XNDC1N: variants seen among roughly 807,000 people sequenced by gnomAD.
XNDC1N encodes the protein protein XNDC1N.
the XNDC1N span, among the ~76,000 whole-genome samples, chr11:71,877,115 C>T: frequency 3.9e-5 from 6 of 152,244 alleles, no homozygotes; most frequent in African/African-American, 7.2e-5. Context: ...CTCAAGATTT[C>T]ATTTTCAAAG....
the XNDC1N span, among the ~76,000 whole-genome samples, chr11:71,925,422 TGAATGCCATC>T: frequency 6.6e-6 from 1 of 152,088 alleles, no homozygotes; most frequent in Non-Finnish European, 1.5e-5. Context: ...AAGCTCTTAG[TGAATGCCATC>T]TAAACATCAA....
chr11:71,901,460 G>A, the XNDC1N span, among the ~76,000 whole-genome samples: 3 of 151,896 alleles, frequency 2.0e-5, no homozygotes, highest in East Asian at 3.9e-4. Flanking sequence ...TGAGCCAGCC[G>A]TAGTGGCGGG....
chr11:71,885,930 CG>C, the XNDC1N span, among the ~76,000 whole-genome samples: 1 of 150,388 alleles, frequency 6.6e-6, no homozygotes. Flanking sequence ...TCATTATTAT[CG>C]GTATTGATTT....
chr11:71,908,155 C>A, the XNDC1N span, among the ~76,000 whole-genome samples: 5 of 151,982 alleles, frequency 3.3e-5, no homozygotes, highest in Non-Finnish European at 7.4e-5. Flanking sequence ...TGAATTATTC[C>A]TCATTTATTA....
the XNDC1N span, among the ~76,000 whole-genome samples, chr11:71,888,825 A>G: frequency 6.6e-6 from 1 of 152,122 alleles, no homozygotes; most frequent in Non-Finnish European, 1.5e-5. Flanking sequence ...CTCTGTGAAA[A>G]TCCCCGTATA....
chr11:71,893,508 G>A, the XNDC1N span: 3 of 779,712 alleles, frequency 3.8e-6, no homozygotes, highest in South Asian at 4.2e-5. Context: ...TCCTCCTCCT[G>A]GGACTCTCAG....
At chr11:71,883,997 T>G in the XNDC1N span, among the ~76,000 whole-genome samples, 1 of 152,322 alleles carries the variant, frequency 6.6e-6, no homozygotes, top group Middle Eastern at 3.4e-3. Flanking sequence ...ATAATCTGCC[T>G]TCTCTTCACT....
At chr11:71,881,128 CATG>C in the XNDC1N span, among the ~76,000 whole-genome samples, 1 of 152,184 alleles carries the variant, frequency 6.6e-6, no homozygotes, top group Non-Finnish European at 1.5e-5. Context: ...CCTCAGTTAT[CATG>C]ATGTTGAGGT....
the XNDC1N span, among the ~76,000 whole-genome samples, chr11:71,924,550 C>T: frequency 3.3e-5 from 5 of 151,988 alleles, no homozygotes; most frequent in East Asian, 5.8e-4. Context: ...TGGTGGTGGG[C>T]GCCTGTAGTC....
At chr11:71,913,831 T>C in the XNDC1N span, among the ~76,000 whole-genome samples, 9 of 152,212 alleles carry the variant, frequency 5.9e-5, no homozygotes, top group South Asian at 1.9e-3. Flanking sequence ...ATTTACTATT[T>C]AAAAAATCCT....
chr11:71,865,844 A>T, the XNDC1N span: 1 of 449,294 alleles, frequency 2.2e-6, no homozygotes, highest in Non-Finnish European at 4.4e-6. Context: ...CCTCTAAAAC[A>T]TTTCTCCCAC....
chr11:71,923,438 T>TG, the XNDC1N span: 1 of 673,694 alleles, frequency 1.5e-6, no homozygotes, highest in East Asian at 2.7e-5. Flanking sequence ...ACTGACTATG[T>TG]GTTAGCTTCC....
At chr11:71,916,553 TAAG>T in the XNDC1N span, 2 of 283,826 alleles carry the variant, frequency 7.0e-6, no homozygotes, top group South Asian at 6.6e-5. Flanking sequence ...TATCTCATTT[TAAG>T]AAGAAGTTAC....
At chr11:71,896,678 C>T in the XNDC1N span, among the ~76,000 whole-genome samples, 4 of 152,248 alleles carry the variant, frequency 2.6e-5, no homozygotes. Flanking sequence ...ATTCTCCTGC[C>T]TCCACCTCCC....
the XNDC1N span, chr11:71,917,179 A>G: frequency 4.4e-6 from 2 of 458,332 alleles, no homozygotes; most frequent in Non-Finnish European, 7.9e-6. Context: ...ATGCCCGGCT[A>G]ATTTTTGTAT....
At chr11:71,875,012 G>A in the XNDC1N span, among the ~76,000 whole-genome samples, 1 of 152,130 alleles carries the variant, frequency 6.6e-6, no homozygotes, top group Non-Finnish European at 1.5e-5. Context: ...ACTTGGGTCA[G>A]GAGACCTAGC....
the XNDC1N span, among the ~76,000 whole-genome samples, chr11:71,895,738 A>C: frequency 2.6e-5 from 4 of 152,354 alleles, no homozygotes; most frequent in East Asian, 7.7e-4. Context: ...GAAAAGAATA[A>C]AATGGGCACA....
At chr11:71,895,714 T>C in the XNDC1N span, among the ~76,000 whole-genome samples, 1 of 152,328 alleles carries the variant, frequency 6.6e-6, no homozygotes, top group East Asian at 1.9e-4. Context: ...TGCATATACA[T>C]AAGATGGGAA....
the XNDC1N span, among the ~76,000 whole-genome samples, chr11:71,912,198 C>A: frequency 1.3e-5 from 2 of 152,180 alleles, no homozygotes; most frequent in African/African-American, 2.4e-5. Context: ...GCCGTTCCGC[C>A]CGGCATACGA....
Sources: gnomAD v4.1 joint callset for allele counts (sites outside exome capture counted in the v4.1 genomes callset) on GRCh38, gnomAD v4.1.1 for gene constraint, MANE v1.5 for transcripts, NCBI Gene and HGNC (gene_info 2026-07-23, HGNC 2026-07-21) for gene names.